Variants in BEND7 observed in about 807,000 individuals in gnomAD.
BEND7 encodes BEN domain-containing protein 7.
In BEND7, 28 loss-of-function variants were observed where a neutral mutation model predicts 50.9. That is an observed-to-expected ratio of 0.55 (90% CI 0.41 to 0.75). The LOEUF is 0.75. BEND7 is among the 30% of genes least tolerant of loss of function. The pLI, the probability that BEND7 is intolerant of heterozygous loss-of-function variation, is 0.00. For synonymous variants in BEND7, 170 were observed against 183.9 expected (o/e 0.92, Z 0.61); for missense variants, 477 against 491.3 (o/e 0.97, Z 0.28).
intron 5 of BEND7, among the ~76,000 whole-genome samples, chr10:13,487,177 A>G (rs904850514): frequency 6.6e-6 from 1 of 152,196 alleles, no homozygotes; most frequent in Non-Finnish European, 1.5e-5. Context: ...CATATCATAC[A>G]GATTTTTTCT....
chr10:13,458,852 C>A (rs1839595071), intron 6 of BEND7, among the ~76,000 whole-genome samples: 1 of 152,118 alleles, frequency 6.6e-6, no homozygotes, highest in South Asian at 2.1e-4. Flanking sequence ...ACCAGGGTCC[C>A]TCCCACTCTC....
chr10:13,444,328 G>A (rs1835834287), intron 8 of BEND7: 1 of 152,094 alleles, frequency 6.6e-6, no homozygotes, highest in South Asian at 2.1e-4. Context: ...TGAACAGAAG[G>A]TTGCTTAAAT....
intron 2 of BEND7, among the ~76,000 whole-genome samples, chr10:13,502,070 T>C (rs2077515176): frequency 6.6e-6 from 1 of 151,968 alleles, no homozygotes; most frequent in Non-Finnish European, 1.5e-5. Context: ...TATGTATATA[T>C]ATATATGGAT....
intron 2 of BEND7, among the ~76,000 whole-genome samples, chr10:13,512,008 C>T (rs1267509745): frequency 1.3e-5 from 2 of 152,186 alleles, no homozygotes; most frequent in Non-Finnish European, 2.9e-5. Flanking sequence ...TAGCTGGTAC[C>T]TTAACTACCT....
At chr10:13,528,381 T>C in intron 1 of BEND7, 92 bp downstream of exon 1, 2 of 533,808 alleles carry the variant, frequency 3.7e-6, no homozygotes, top group Non-Finnish European at 4.8e-6. Context: ...GACCGGGGGC[T>C]CCGGGAGGGC....
intron 8 of BEND7, chr10:13,446,909 A>G (rs1173788813): frequency 9.8e-6 from 3 of 305,302 alleles, no homozygotes; most frequent in Non-Finnish European, 1.8e-5. Flanking sequence ...CTAGCCATGA[A>G]TTTGATCACA....
intron 6 of BEND7, among the ~76,000 whole-genome samples, chr10:13,461,482 C>T (rs1840183523): frequency 6.6e-6 from 1 of 152,174 alleles, no homozygotes; most frequent in Non-Finnish European, 1.5e-5. Context: ...CCTGTAATCC[C>T]AGCACTTTGG....
intron 2 of BEND7, among the ~76,000 whole-genome samples, chr10:13,522,141 G>A (rs963931648): frequency 1.4e-4 from 21 of 152,006 alleles, no homozygotes. Flanking sequence ...TTTGTTGAAT[G>A]AATAAATGAA....
chr10:13,471,357 C>A (rs1335543765), intron 6 of BEND7, among the ~76,000 whole-genome samples: 2 of 152,242 alleles, frequency 1.3e-5, no homozygotes, highest in African/African-American at 2.4e-5. Context: ...AATCCAGTAT[C>A]TGAAAAGCAG....
intron 3 of BEND7, among the ~76,000 whole-genome samples, chr10:13,498,959 T>C (rs960456514): frequency 7.9e-5 from 12 of 152,218 alleles, no homozygotes; most frequent in African/African-American, 2.7e-4. Flanking sequence ...TTGAAGGATA[T>C]TGTGAAATGA....
At chr10:13,454,223 G>A (rs1037841967) in intron 6 of BEND7, among the ~76,000 whole-genome samples, 1 of 152,170 alleles carries the variant, frequency 6.6e-6, no homozygotes, top group Non-Finnish European at 1.5e-5. Flanking sequence ...CATGCTGTTA[G>A]GGGTGTTTGT....
chr10:13,452,409 C>T (rs1440325588), intron 7 of BEND7, 130 bp downstream of exon 7: 2 of 1,009,346 alleles, frequency 2.0e-6, no homozygotes, highest in Non-Finnish European at 2.8e-6. Context: ...GAGAGCAAAT[C>T]AGCATATTAT....
rs1263146830 is a variant in BEND7, at chr10:13,473,125, CACT to C, written c.1063+7771_1063+7773del. Among the ~76,000 whole-genome samples the C allele has an allele frequency of 9.2e-5, 14 of 152,070 alleles. No homozygotes were observed. In the East Asian group the frequency reaches 2.5e-3, roughly 27 times the overall value. ...TAGATTTGGGGTCAATAACCATCATCACTATTAGACTTGGGGTTGATACCTGTC... is the reference window on the plus strand; with the variant it reads ...TAGATTTGGGGTCAATAACCATCATCATTAGACTTGGGGTTGATACCTGTC... On this transcript the variant is annotated intron_variant, in intron 6 of 8. Coordinates refer to ENST00000466271, the MANE Select transcript of BEND7 (RefSeq NM_001369863.1).
At chr10:13,459,053 A>C (rs1248075733) in intron 6 of BEND7, among the ~76,000 whole-genome samples, 1 of 152,248 alleles carries the variant, frequency 6.6e-6, no homozygotes, top group African/African-American at 2.4e-5. Context: ...GTTATTTTCC[A>C]CATAAATGAC....
At chr10:13,487,605 C>T (rs554637554) in intron 5 of BEND7, among the ~76,000 whole-genome samples, 14 of 152,072 alleles carry the variant, frequency 9.2e-5, no homozygotes, top group East Asian at 1.9e-4. Context: ...ACGCTGGTCT[C>T]GAACTCCTGA....
chr10:13,446,793 G>C (rs1836422959), intron 8 of BEND7: 1 of 180,942 alleles, frequency 5.5e-6, no homozygotes, highest in Admixed American at 6.3e-5. Flanking sequence ...ACGCCGGATG[G>C]CTGGCCTTGT....
intron 6 of BEND7, among the ~76,000 whole-genome samples, chr10:13,472,538 C>A (rs1036950983): frequency 6.6e-6 from 1 of 151,436 alleles, no homozygotes; most frequent in African/African-American, 2.4e-5. Context: ...TACCCGTCAT[C>A]GCTGTTGGAC....
At chr10:13,472,205 T>A (rs2074928985) in intron 6 of BEND7, among the ~76,000 whole-genome samples, 1 of 151,980 alleles carries the variant, frequency 6.6e-6, no homozygotes, top group Non-Finnish European at 1.5e-5. Flanking sequence ...TCATCACTCT[T>A]AGACTCAGGG....
chr10:13,494,771 C>G (rs1261270975), intron 4 of BEND7, among the ~76,000 whole-genome samples: 1 of 152,200 alleles, frequency 6.6e-6, no homozygotes, highest in African/African-American at 2.4e-5. Context: ...AGACACAGCC[C>G]AAGTCTCTGG....
Sources: allele counts gnomAD v4.1 joint callset (sites outside exome capture counted in the v4.1 genomes callset), GRCh38; gene constraint gnomAD v4.1.1; transcripts MANE v1.5; gene names NCBI Gene and HGNC (gene_info 2026-07-23, HGNC 2026-07-21).